The following CCDC141 variants were observed in gnomAD, a reference collection of about 807,000 sequenced individuals.
CCDC141 encodes coiled-coil domain containing 141.
CCDC141 carries 168 observed loss-of-function variants against 181.0 expected under a neutral mutation model. That is an observed-to-expected ratio of 0.93 (90% confidence interval 0.82 to 1.05). CCDC141 has a LOEUF of 1.05. Among genes scored for constraint, CCDC141 ranks in the 50% least tolerant of loss-of-function variants. CCDC141 has a pLI of 0.00. For missense variants in CCDC141, 1,902 were observed against 1,788.5 expected (o/e 1.06, Z -1.14); for synonymous variants, 666 against 642.3 (o/e 1.04, Z -0.56).
intron 8 of CCDC141, among the ~76,000 whole-genome samples, chr2:178,900,226 C>A (rs1183115802): frequency 2.6e-5 from 4 of 152,048 alleles, no homozygotes; most frequent in African/African-American, 4.8e-5. Context: ...TGAAATGGTA[C>A]CTAATTATTT....
chr2:178,852,632 G>T (rs1685211719), intron 20 of CCDC141, among the ~76,000 whole-genome samples: 1 of 152,156 alleles, frequency 6.6e-6, no homozygotes, highest in Admixed American at 6.5e-5. Flanking sequence ...TGTTATAAGA[G>T]AAAATACCTG....
At chr2:178,900,584 C>T (rs999739303) in intron 8 of CCDC141, among the ~76,000 whole-genome samples, 1 of 151,932 alleles carries the variant, frequency 6.6e-6, no homozygotes, top group Admixed American at 6.6e-5. Flanking sequence ...AACGTATCAG[C>T]CATTACAAAA....
intron 5 of CCDC141, among the ~76,000 whole-genome samples, chr2:178,951,560 C>T (rs535343150): frequency 2.0e-4 from 31 of 152,274 alleles, no homozygotes; most frequent in South Asian, 1.0e-3. Flanking sequence ...CTACAACATT[C>T]ATTAAAATTA....
At chr2:178,873,924 T>C (rs1029010383) in intron 12 of CCDC141, 2 of 152,244 alleles carry the variant, frequency 1.3e-5, no homozygotes, top group African/African-American at 2.4e-5. Flanking sequence ...TTGGCCATTA[T>C]AAATTAATAA....
chr2:178,839,385 C>G (rs902130794), intron 22 of CCDC141, among the ~76,000 whole-genome samples: 2 of 150,348 alleles, frequency 1.3e-5, no homozygotes, highest in African/African-American at 4.9e-5. Context: ...TGCACTCCAT[C>G]CTGGGCAACA....
chr2:178,953,469 C>T (rs1470607377), intron 5 of CCDC141, among the ~76,000 whole-genome samples: 11 of 151,596 alleles, frequency 7.3e-5, no homozygotes, highest in Non-Finnish European at 1.6e-4. Context: ...ATTCTATCAA[C>T]CCCCAAATTC....
intron 2 of CCDC141, among the ~76,000 whole-genome samples, chr2:179,015,841 T>C (rs1263749450): frequency 7.2e-6 from 1 of 138,622 alleles, no homozygotes; most frequent in African/African-American, 2.7e-5. Flanking sequence ...CATATATATC[T>C]CATATATCTC....
At chr2:178,949,773 G>A (rs1689875517) in intron 5 of CCDC141, among the ~76,000 whole-genome samples, 1 of 152,152 alleles carries the variant, frequency 6.6e-6, no homozygotes, top group South Asian at 2.1e-4. Context: ...AGAGCAGGCT[G>A]AGAATTTCAG....
intron 2 of CCDC141, among the ~76,000 whole-genome samples, chr2:178,983,984 G>A (rs1440394352): frequency 7.9e-5 from 12 of 151,128 alleles, no homozygotes; most frequent in East Asian, 6.0e-4. Context: ...GATACTCCTC[G>A]AGAAGAGCAA....
chr2:178,851,013 C>T (rs754065776), intron 20 of CCDC141, among the ~76,000 whole-genome samples: 16 of 152,142 alleles, frequency 1.1e-4, no homozygotes, highest in South Asian at 4.1e-4. Flanking sequence ...CGAGACCAGC[C>T]TGACCAACAT....
intron 2 of CCDC141, among the ~76,000 whole-genome samples, chr2:179,017,030 CA>C (rs2042562821): frequency 6.6e-6 from 1 of 151,862 alleles, no homozygotes; most frequent in African/African-American, 2.4e-5. Context: ...TTCCCACACA[CA>C]AAAATGTATT....
intron 2 of CCDC141, among the ~76,000 whole-genome samples, chr2:179,027,061 G>A (rs1017211885): frequency 3.3e-5 from 5 of 152,160 alleles, no homozygotes; most frequent in South Asian, 2.1e-4. Flanking sequence ...CAGATGAGAC[G>A]TTGGACTGTG....
intron 2 of CCDC141, among the ~76,000 whole-genome samples, chr2:179,003,866 C>T (rs1175551516): frequency 2.6e-5 from 4 of 151,656 alleles, no homozygotes; most frequent in South Asian, 2.1e-4. Flanking sequence ...AAAATAATTG[C>T]TTTTTTTTCA....
intron 2 of CCDC141, among the ~76,000 whole-genome samples, chr2:179,032,051 GCT>G (rs1166221633): frequency 2.0e-5 from 3 of 152,076 alleles, no homozygotes; most frequent in Non-Finnish European, 2.9e-5. Context: ...AGGTGAGACT[GCT>G]CTCTCACCTT....
intron 22 of CCDC141, 138 bp from the exon 23 acceptor site, chr2:178,837,882 AC>A (rs1343619642): frequency 5.5e-6 from 5 of 916,734 alleles, no homozygotes; most frequent in Non-Finnish European, 8.0e-6. Context: ...AGCAAGAATT[AC>A]GGATGAGAAA....
intron 2 of CCDC141, among the ~76,000 whole-genome samples, chr2:179,011,420 A>T (rs2042267190): frequency 1.3e-5 from 2 of 152,182 alleles, no homozygotes; most frequent in Admixed American, 1.3e-4. Context: ...ACAGAAAAAT[A>T]TCACAATTCT....
intron 8 of CCDC141, among the ~76,000 whole-genome samples, chr2:178,899,127 G>A (rs1008877623): frequency 1.3e-5 from 2 of 152,042 alleles, no homozygotes; most frequent in Non-Finnish European, 2.9e-5. Flanking sequence ...CTTTTTCCAG[G>A]TTTAGATACA....
chr2:178,867,970 C>A, intron 16 of CCDC141, 56 bp downstream of exon 16: 1 of 1,424,086 alleles, frequency 7.0e-7, no homozygotes, highest in Non-Finnish European at 9.6e-7. Flanking sequence ...CTTTCATATG[C>A]TAGCCCAAGC....
chr2:179,018,530 G>A (rs1350897163), intron 2 of CCDC141, among the ~76,000 whole-genome samples: 1 of 152,066 alleles, frequency 6.6e-6, no homozygotes, highest in Non-Finnish European at 1.5e-5. Flanking sequence ...TTGTTTTTCT[G>A]AAGGATTTTA....
Sources: allele counts gnomAD v4.1 joint callset (sites outside exome capture counted in the v4.1 genomes callset), GRCh38; gene constraint gnomAD v4.1.1; transcripts MANE v1.5; gene names NCBI Gene and HGNC (gene_info 2026-07-23, HGNC 2026-07-21).